The following CFAP47 variants were observed in gnomAD, a reference collection of about 807,000 sequenced individuals.
The protein encoded by CFAP47 is cilia- and flagella-associated protein 47.
In CFAP47, 29 loss-of-function variants were observed where a neutral mutation model predicts 148.1. That is an observed-to-expected ratio of 0.20 (90% CI 0.15 to 0.27). The LOEUF is 0.27. CFAP47 is among the 10% of genes least tolerant of loss of function. The pLI is 1.00. For synonymous variants in CFAP47, 664 were observed against 577.3 expected (o/e 1.15, Z -2.15); for missense variants, 1,872 against 1,697.5 (o/e 1.10, Z -1.81).
chrX:35,975,785 G>C lies in CFAP47; in HGVS notation c.2585G>C (p.Gly862Ala), dbSNP rs760405684. The change falls in exon 15 of 64, where the codon GGC (glycine) becomes GCC (alanine). Residue 862 changes from glycine to alanine, a missense_variant. Gly to Ala is a moderately conservative substitution (Grantham distance 60). Transcript: ENST00000378653. ...SSNELVLRPR[G>A]FFMKTCFRGT... is the part of the protein sequence containing the mutation. ...AATGAGCTAGTATTGAGACCACGAGGCTTCTTCATGAAAACATGTTTTCGG... is the reference window on the plus strand; with the variant it reads ...AATGAGCTAGTATTGAGACCACGAGCCTTCTTCATGAAAACATGTTTTCGG... The C allele has an allele frequency of 4.1e-6, 5 of 1,209,076 alleles. No homozygotes were observed. The highest frequency in any genetic ancestry group is 3.5e-5 in the African/African-American group (2 of 57,010).
intron 13 of CFAP47, among the ~76,000 whole-genome samples, chrX:35,973,665 T>C (rs1490077288): frequency 9.0e-6 from 1 of 111,625 alleles, no homozygotes; most frequent in Admixed American, 9.5e-5. Flanking sequence ...GTAGGAAGGC[T>C]CTGTACTGAG....
intron 59 of CFAP47, among the ~76,000 whole-genome samples, chrX:36,353,118 G>A (rs1336319114): frequency 1.8e-5 from 2 of 110,378 alleles, no homozygotes; most frequent in South Asian, 3.8e-4. Context: ...ATTTTCTATA[G>A]TATTGTTATA....
intron 55 of CFAP47, among the ~76,000 whole-genome samples, chrX:36,308,920 G>A (rs782242725): frequency 6.0e-4 from 67 of 111,460 alleles, no homozygotes; most frequent in African/African-American, 2.0e-3. Flanking sequence ...TTTGGGTTAA[G>A]TTCAAATTGT....
At chrX:36,137,842 C>T (rs1003566842) in intron 33 of CFAP47, 116 bp from the exon 34 acceptor site, 1 of 361,580 alleles carries the variant, frequency 2.8e-6, no homozygotes, top group African/African-American at 2.7e-5. Flanking sequence ...ATATAATATA[C>T]TTTTTGTTTC....
chrX:35,982,342 C>T (rs183393061), intron 15 of CFAP47, among the ~76,000 whole-genome samples: 110 of 111,132 alleles, frequency 9.9e-4, no homozygotes, highest in African/African-American at 3.3e-3. Flanking sequence ...ATATCCTTTG[C>T]CCATTTTTTA....
chrX:36,198,789 C>T (rs782124000), intron 42 of CFAP47, among the ~76,000 whole-genome samples: 1 of 111,594 alleles, frequency 9.0e-6, no homozygotes, highest in Admixed American at 9.5e-5. Flanking sequence ...TGGACTCCCC[C>T]ACTTCCTGTC....
At chrX:35,961,735 A>G (rs995491713) in intron 8 of CFAP47, among the ~76,000 whole-genome samples, 1 of 110,823 alleles carries the variant, frequency 9.0e-6, no homozygotes, top group African/African-American at 3.3e-5. Context: ...AGTCTAGTTA[A>G]AATTTTTTCA....
intron 23 of CFAP47, among the ~76,000 whole-genome samples, chrX:36,032,430 A>C (rs1365553995): frequency 9.0e-6 from 1 of 110,886 alleles, no homozygotes; most frequent in African/African-American, 3.3e-5. Context: ...AATTTGACTA[A>C]AGGTTTAAGG....
intron 32 of CFAP47, among the ~76,000 whole-genome samples, chrX:36,103,152 T>TA (rs774693685): frequency 1.1e-4 from 12 of 110,911 alleles, no homozygotes; most frequent in Non-Finnish European, 2.3e-4. Context: ...TTGATTCCCC[T>TA]AAAAGCAGAC....
intron 45 of CFAP47, among the ~76,000 whole-genome samples, chrX:36,221,873 T>A (rs1178692626): frequency 9.0e-6 from 1 of 111,452 alleles, no homozygotes; most frequent in Non-Finnish European, 1.9e-5. Flanking sequence ...TAAATTACAG[T>A]GGAAGATCTT....
At chrX:36,137,913 A>C (rs1288432263) in intron 33 of CFAP47, 45 bp from the exon 34 acceptor site, 2 of 520,553 alleles carry the variant, frequency 3.8e-6, no homozygotes, top group Admixed American at 3.4e-5. Context: ...TCTTTTAATA[A>C]AGTAAAACTA....
intron 49 of CFAP47, among the ~76,000 whole-genome samples, chrX:36,265,683 T>C (rs1490760002): frequency 8.9e-6 from 1 of 112,028 alleles, no homozygotes; most frequent in African/African-American, 3.2e-5. Flanking sequence ...GCCATCCAGA[T>C]TTTGAATTCT....
chrX:36,014,936 TG>T (rs1937080248), intron 22 of CFAP47, 24 bp downstream of exon 22: 1 of 289,393 alleles, frequency 3.5e-6, no homozygotes, highest in Non-Finnish European at 6.0e-6. Flanking sequence ...AATAATCAAT[TG>T]GTGTGGGTAG....
At chrX:36,124,950 G>C (rs760652429) in intron 33 of CFAP47, among the ~76,000 whole-genome samples, 57 of 111,184 alleles carry the variant, frequency 5.1e-4, no homozygotes, top group African/African-American at 1.8e-3. Flanking sequence ...GTATATAATA[G>C]AATTTAGTAT....
rs368827408 is a variant in CFAP47 at position 35,980,792 on chromosome X, C to T, written c.2713+4879C>T. 3.6e-5 allele frequency among the ~76,000 whole-genome samples: 4 copies of T among 110,719 alleles called. No individual in the cohort carries two copies. In the East Asian group the frequency reaches 1.1e-3, roughly 31 times the overall value. ...CATCTGAAAAAACTCTTCCGCAAAC[C>T]TCTTTTGCTATGGACATAAATTTTC... On this transcript the variant is annotated intron_variant, in intron 15 of 63. Coordinates refer to ENST00000378653, the MANE Select transcript of CFAP47 (RefSeq NM_001304548.2).
chrX:36,233,084 A>C (rs1433782092), intron 46 of CFAP47, among the ~76,000 whole-genome samples: 5 of 111,803 alleles, frequency 4.5e-5, no homozygotes, highest in South Asian at 7.4e-4. Flanking sequence ...AGAAGAATGT[A>C]TATTCTGTTG....
chrX:36,308,699 C>T (rs1556009337), intron 55 of CFAP47, among the ~76,000 whole-genome samples: 1 of 111,131 alleles, frequency 9.0e-6, no homozygotes, highest in African/African-American at 3.2e-5. Context: ...CTGATTAAAT[C>T]TATCTAAACT....
intron 40 of CFAP47, among the ~76,000 whole-genome samples, chrX:36,180,027 C>T (rs1443731940): frequency 1.8e-5 from 2 of 111,205 alleles, no homozygotes; most frequent in African/African-American, 6.5e-5. Flanking sequence ...TTGGTGCAAC[C>T]GGTGATGAGA....
At chrX:36,334,397 C>T (rs1341912621) in intron 57 of CFAP47, among the ~76,000 whole-genome samples, 1 of 111,414 alleles carries the variant, frequency 9.0e-6, no homozygotes, top group Non-Finnish European at 1.9e-5. Context: ...CTCCAGATAT[C>T]CTTTTTTATC....
Sources: gnomAD v4.1 joint callset for allele counts (sites outside exome capture counted in the v4.1 genomes callset) on GRCh38, gnomAD v4.1.1 for gene constraint, MANE v1.5 for transcripts, NCBI Gene and HGNC (gene_info 2026-07-23, HGNC 2026-07-21) for gene names.